Variants in ARRDC3 observed in about 807,000 individuals in gnomAD.
The protein encoded by ARRDC3 is arrestin domain-containing protein 3.
Under a neutral mutation model 47.2 loss-of-function variants are expected in ARRDC3, and 10 were observed. The observed-to-expected ratio is 0.21, with a 90% CI of 0.13 to 0.36. The LOEUF (loss-of-function observed/expected upper bound fraction) is 0.36, where lower values mean the gene tolerates loss of function less well. Among genes scored for constraint, ARRDC3 ranks in the 10% least tolerant of loss-of-function variants. The pLI, the probability that ARRDC3 is intolerant of heterozygous loss-of-function variation, is 1.00. For missense variants in ARRDC3, 381 were observed against 503.6 expected (o/e 0.76, Z 2.33); for synonymous variants, 156 against 178.3 (o/e 0.87, Z 1.00).
At chr5:91,380,966 A>T (rs1582378355) in intron 1 of ARRDC3, 1 of 152,116 alleles carries the variant, frequency 6.6e-6, no homozygotes, top group South Asian at 2.1e-4. Context: ...AGGAACCTTT[A>T]CCGGCGCACG....
chr5:91,375,978 C>G (rs954215934), intron 3 of ARRDC3, among the ~76,000 whole-genome samples: 1 of 152,160 alleles, frequency 6.6e-6, no homozygotes, highest in African/African-American at 2.4e-5. Flanking sequence ...GCAAAGAAAG[C>G]AATCTGATTA....
At position 91,374,958 on chromosome 5, in the gene ARRDC3, G is replaced by A. The variant is rs187417675; in HGVS notation, c.834C>T (p.Leu278=). 2.5e-4 allele frequency: 402 copies of A among 1,614,132 alleles called. 4 individuals carry two copies. The East Asian group carries it at 8.7e-3, about 35-fold the overall frequency. ...LKIPPVSPSI[L]DCSIIRVEYS... ...ATTCCACGCGGATTATACTACAGTC[G>A]AGGATAGAGGGAGAAACTGGTGGAA... Residue 278 remains leucine, a synonymous_variant, in exon 5 of 8, where the codon CTC becomes CTT. Coordinates refer to ENST00000265138, the MANE Select transcript of ARRDC3 (RefSeq NM_020801.4).
At chr5:91,375,465 A>G in intron 4 of ARRDC3, 46 bp downstream of exon 4, 2 of 1,296,036 alleles carry the variant, frequency 1.5e-6, no homozygotes, top group East Asian at 4.7e-5. Context: ...TAAACACAAA[A>G]GCTAAGTGAA....
Position 91,375,606 on chromosome 5 carries a change from T to C in ARRDC3, c.518A>G (p.Gln173Arg). Residue 173 changes from glutamine to arginine, a missense_variant, in exon 4 of 8, where the codon CAA (glutamine) becomes CGA (arginine). By Grantham distance (43) the Gln-to-Arg change is conservative. Coordinates refer to ENST00000265138, the MANE Select transcript of ARRDC3 (RefSeq NM_020801.4). ...GAGTGTCTTTTCTTTTGTGCCTGCT[T>C]GGGGTGACTGTAAGAAAAAAATTAA... ...DINTPSLLSPQAGTKEKTLCC... is the reference protein window; with the variant it reads ...DINTPSLLSPRAGTKEKTLCC... 1 of 1,605,950 alleles carries C rather than the reference T, an allele frequency of 6.2e-7. No homozygotes were observed. Among genetic ancestry groups the C allele is most frequent in the Non-Finnish European group, 8.5e-7 (1 of 1,175,430 alleles).
rs1242801853 is a variant in ARRDC3 at position 91,374,849 on chromosome 5, G to C, written c.870+73C>G. 7.5e-6 allele frequency: 11 copies of C among 1,475,080 alleles called. No individual in the cohort carries two copies. In the East Asian group the frequency reaches 2.6e-4, roughly 34 times the overall value. The allele number at this position is 1,475,080 out of a possible 1,614,324, so 91.4% of individuals were successfully genotyped here. ...GTAGCGGAGCTGAGACTGTGCCACT[G>C]CATTCCAGCCTGGGTGACAGGTGTT... On this transcript the variant is annotated intron_variant, in intron 5 of 7. Coordinates refer to ENST00000265138, the MANE Select transcript of ARRDC3 (RefSeq NM_020801.4).
intron 3 of ARRDC3, among the ~76,000 whole-genome samples, chr5:91,376,188 A>T (rs1355296940): frequency 6.6e-6 from 1 of 152,238 alleles, no homozygotes; most frequent in Non-Finnish European, 1.5e-5. Context: ...AATGAAACTA[A>T]TGATTCCCCA....
intron 7 of ARRDC3, among the ~76,000 whole-genome samples, 169 bp from the exon 8 acceptor site, chr5:91,371,625 G>A (rs1799180502): frequency 1.3e-5 from 2 of 152,162 alleles, no homozygotes; most frequent in African/African-American, 2.4e-5. Flanking sequence ...GAAATGCTAT[G>A]TGGGGAGGAA....
In ARRDC3 at chr5:91,381,685, AT is replaced by A. The variant is rs1035464820; in HGVS notation, c.280+1127del. ...AAAAATAAGGTAAAATATGTCTCTA[AT>A]TTTTTTTCTGAAAAATCGCCAACAT... On this transcript the variant is annotated intron_variant, in intron 1 of 7. Coordinates refer to ENST00000265138, the MANE Select transcript of ARRDC3 (RefSeq NM_020801.4). 2.0e-5 allele frequency among the ~76,000 whole-genome samples: 3 copies of A among 152,016 alleles called. No individual in the cohort carries two copies. In the South Asian group the frequency reaches 6.2e-4, roughly 32 times the overall value.
rs751733629 is a variant in ARRDC3, at chr5:91,375,100, G to A, written c.692C>T (p.Thr231Ile). The change falls in exon 5 of 8, where the codon ACA becomes ATA. Residue 231 changes from threonine (T) to isoleucine (I), a missense_variant. Transcript: ENST00000265138. ...MVVPKAAIYQ[T>I]QAFYAKGKMK... ...TTTCCCTTTGGCATAGAAGGCCTGT[G>A]TTTGGTAAATGGCTGCCTTTGGCAC... 3 of 1,613,984 alleles carry A rather than the reference G, an allele frequency of 1.9e-6. No homozygotes were observed.
At chr5:91,379,689 G>A (rs949095471) in intron 1 of ARRDC3, among the ~76,000 whole-genome samples, 2 of 151,788 alleles carry the variant, frequency 1.3e-5, no homozygotes, top group African/African-American at 2.4e-5. Flanking sequence ...CCTATTTAGC[G>A]TTTTAAATAA....
chr5:91,375,307 C>T (rs1799275986), intron 4 of ARRDC3, 129 bp from the exon 5 acceptor site: 6 of 1,100,186 alleles, frequency 5.5e-6, no homozygotes, highest in African/African-American at 1.6e-5. Context: ...CTGCAAATAA[C>T]TTGAGTCATA....
chr5:91,382,767 T>C, intron 1 of ARRDC3, 46 bp downstream of exon 1: 1 of 1,557,950 alleles, frequency 6.4e-7, no homozygotes, highest in Non-Finnish European at 8.7e-7. Flanking sequence ...AAAGGTACGT[T>C]TCCAAAGAAA....
chr5:91,382,950 T>C lies in ARRDC3; in HGVS notation c.143A>G (p.Lys48Arg). Residue 48 changes from lysine to arginine, a missense_variant, in exon 1 of 8, where the codon AAA (lysine) becomes AGA (arginine). Physicochemically the swap from Lys to Arg is conservative, Grantham distance 26. Coordinates refer to ENST00000265138, the MANE Select transcript of ARRDC3 (RefSeq NM_020801.4). The stretch of plus-strand genomic sequence containing the variant: ...TTTCGCATGTCCTCTTGCATGAATT[T>C]TAAGAGATTTTACTCTGATTTCCCC... Reference protein sequence around the residue: ...VTGEIRVKSLKIHARGHAKVR... With the variant: ...VTGEIRVKSLRIHARGHAKVR... The C allele has an allele frequency of 6.2e-7, 1 of 1,614,216 alleles. No homozygotes were observed. The highest frequency in any genetic ancestry group is 8.5e-7 in the Non-Finnish European group (1 of 1,180,038).
chr5:91,382,899 G>A lies in ARRDC3; in HGVS notation c.194C>T (p.Ala65Val). The A allele has an allele frequency of 6.2e-7, 1 of 1,614,082 alleles. No individual in the cohort carries two copies. ...CTGTGTATAGGCAGTATTGGAGCCG[G>A]CGTTTCTAGATTCAGTCCAGCGTAC... is the stretch of plus-strand genomic sequence containing the variant. Reference protein sequence around the residue: ...AKVRWTESRNAGSNTAYTQNY... With the variant: ...AKVRWTESRNVGSNTAYTQNY... The change falls in exon 1 of 8, where the codon GCC (alanine) becomes GTC (valine). Residue 65 changes from alanine (A) to valine (V), a missense_variant. Ala to Val is a moderately conservative substitution (Grantham distance 64). Transcript: ENST00000265138.
rs576793707 is a variant in ARRDC3 at position 91,381,747 on chromosome 5, A to G, written c.280+1066T>C. ...TACTGCATTAAAAAGGAGAGGCACA[A>G]AAATTACATAACCAGTTTTAACATT... On this transcript the variant is annotated intron_variant, in intron 1 of 7. Coordinates refer to ENST00000265138, the MANE Select transcript of ARRDC3 (RefSeq NM_020801.4). 9.8e-5 allele frequency among the ~76,000 whole-genome samples: 15 copies of G among 152,320 alleles called. No individual in the cohort carries two copies. The South Asian group carries it at 2.9e-3, about 29-fold the overall frequency.
chr5:91,377,252 T>A (rs1213944810), intron 2 of ARRDC3, among the ~76,000 whole-genome samples: 3 of 152,178 alleles, frequency 2.0e-5, no homozygotes, highest in African/African-American at 7.2e-5. Flanking sequence ...CCTGGAATAG[T>A]CATTATAGTT....
rs755694804 is a variant in ARRDC3, at chr5:91,382,882, A to G, written c.211T>C (p.Tyr71His). 10 of 1,614,134 alleles carry G rather than the reference A, an allele frequency of 6.2e-6. No individual in the cohort carries two copies. The highest frequency in any genetic ancestry group is 8.5e-6 in the Non-Finnish European group (10 of 1,180,000). The change falls in exon 1 of 8, where the codon TAT becomes CAT. Residue 71 changes from tyrosine to histidine, a missense_variant. Physicochemically the swap from Tyr to His is moderately conservative, Grantham distance 83 (BLOSUM62 2). Coordinates refer to ENST00000265138, the MANE Select transcript of ARRDC3 (RefSeq NM_020801.4). The part of the protein sequence containing the change: ...ESRNAGSNTA[Y>H]TQNYTEEVEY... ...ACTTCTTCAGTGTAATTCTGTGTAT[A>G]GGCAGTATTGGAGCCGGCGTTTCTA... is the stretch of plus-strand genomic sequence containing the variant.
Position 91,375,152 on chromosome 5 carries a change from T to C in ARRDC3, c.640A>G (p.Ile214Val). 1.2e-6 allele frequency: 2 copies of C among 1,613,640 alleles called. No homozygotes were observed. The highest frequency in any genetic ancestry group is 1.7e-6 in the Non-Finnish European group (2 of 1,179,986). ...PGESIQIFAE[I>V]ENCSSRMVVP... The stretch of plus-strand genomic sequence containing the variant: ...ACCATTCGGGAAGAGCAGTTCTCAA[T>C]CTCAGCAAATATCTGAATTGATTCA... Residue 214 changes from isoleucine to valine, a missense_variant, in exon 5 of 8, where the codon ATT (isoleucine) becomes GTT (valine). Transcript: ENST00000265138.
chr5:91,376,538 A>G lies in ARRDC3; in HGVS notation c.510+83T>C, dbSNP rs987253358. Reference sequence around the variant, plus strand: ...AGAAAACCAGTATTTTTAAATTATGACAACTGCATAGTTTAGGTGATTGAT... The same window carrying G: ...AGAAAACCAGTATTTTTAAATTATGGCAACTGCATAGTTTAGGTGATTGAT... On this transcript the variant is annotated intron_variant, in intron 3 of 7. Transcript: ENST00000265138. The G allele has an allele frequency of 2.5e-5, 30 of 1,180,456 alleles. No homozygotes were observed. The Admixed American group carries it at 3.2e-4, about 13-fold the overall frequency. 73.1% of individuals were successfully genotyped at this position (1,180,456 alleles called of 1,614,324 possible).
Sources: gnomAD v4.1 joint callset for allele counts (sites outside exome capture counted in the v4.1 genomes callset) on GRCh38, gnomAD v4.1.1 for gene constraint, MANE v1.5 for transcripts, NCBI Gene and HGNC (gene_info 2026-07-23, HGNC 2026-07-21) for gene names.